CHL1: variants seen among roughly 807,000 people sequenced by gnomAD.
CHL1 encodes the protein cell adhesion molecule L1 like, also known as neural cell adhesion molecule L1-like protein.
Under a neutral mutation model 141.9 loss-of-function variants are expected in CHL1, and 96 were observed. The ratio of observed to expected loss-of-function variants is 0.68; its 90% CI spans 0.57 to 0.80. The LOEUF (loss-of-function observed/expected upper bound fraction) is 0.80, where lower values mean the gene tolerates loss of function less well. CHL1 is among the 30% of genes least tolerant of loss of function. CHL1 has a pLI of 0.00. For missense variants in CHL1, 1,820 were observed against 1,457.2 expected (o/e 1.25, Z -4.05); for synonymous variants, 613 against 502.2 (o/e 1.22, Z -2.95).
chr3:282,647 A>G (rs866858504), intron 2 of CHL1: 4 of 152,158 alleles, frequency 2.6e-5, no homozygotes, highest in African/African-American at 9.7e-5. Context: ...TGACTGGTTG[A>G]CTGTCTTTCT....
At chr3:230,972 C>T (rs1701803657) in intron 1 of CHL1, among the ~76,000 whole-genome samples, 1 of 152,106 alleles carries the variant, frequency 6.6e-6, no homozygotes, top group Admixed American at 6.6e-5. Context: ...CCTTAGCTTT[C>T]CCCAGATGCT....
intron 5 of CHL1, 122 bp from the exon 6 acceptor site, chr3:340,672 G>A (rs539977018): frequency 1.1e-4 from 88 of 782,618 alleles, no homozygotes; most frequent in Non-Finnish European, 1.7e-4. Context: ...TAAGAACCAG[G>A]ATCTGTAGCA....
chr3:250,623 C>A (rs575140058), intron 2 of CHL1, among the ~76,000 whole-genome samples: 186 of 152,170 alleles, frequency 1.2e-3, no homozygotes, highest in Non-Finnish European at 6.9e-4. Context: ...AGTGGGGAGG[C>A]AAAGAGCTCT....
intron 2 of CHL1, among the ~76,000 whole-genome samples, chr3:277,130 G>A (rs1299496799): frequency 1.3e-5 from 2 of 152,044 alleles, no homozygotes; most frequent in African/African-American, 2.4e-5. Context: ...TATGTGTTAT[G>A]TAGTGTTTGT....
intron 15 of CHL1, among the ~76,000 whole-genome samples, chr3:366,884 C>G (rs1704969341): frequency 6.6e-6 from 1 of 152,210 alleles, no homozygotes; most frequent in African/African-American, 2.4e-5. Flanking sequence ...CCACTGTCTG[C>G]TCCCACTGGC....
intron 1 of CHL1, among the ~76,000 whole-genome samples, chr3:235,388 C>T (rs190062543): frequency 2.7e-4 from 41 of 151,984 alleles, no homozygotes; most frequent in South Asian, 2.1e-4. Context: ...AAAGCAAAAC[C>T]GTATCTACCT....
intron 3 of CHL1, among the ~76,000 whole-genome samples, chr3:323,993 C>T (rs1211078864): frequency 6.6e-6 from 1 of 152,008 alleles, no homozygotes; most frequent in Non-Finnish European, 1.5e-5. Context: ...TAAATAAATT[C>T]ATAAGTAAAC....
At chr3:285,287 TG>T (rs1199569414) in intron 2 of CHL1, among the ~76,000 whole-genome samples, 1 of 152,212 alleles carries the variant, frequency 6.6e-6, no homozygotes, top group Non-Finnish European at 1.5e-5. Flanking sequence ...TTATGACAGC[TG>T]GGTGACTTGG....
chr3:263,938 G>T (rs1052952764), intron 2 of CHL1, among the ~76,000 whole-genome samples: 1 of 152,190 alleles, frequency 6.6e-6, no homozygotes, highest in African/African-American at 2.4e-5. Context: ...TTAAAAGAAT[G>T]ACCTTTCCTT....
In CHL1 at chr3:363,283, G is replaced by A. The variant is rs1201908632; in HGVS notation, c.1485G>A (p.Leu495=). The A allele has an allele frequency of 1.2e-6, 2 of 1,613,604 alleles. No individual in the cohort carries two copies. The highest frequency in any genetic ancestry group is 1.7e-6 in the Non-Finnish European group (2 of 1,179,758). Residue 495 remains leucine, a synonymous_variant, in exon 14 of 28, where the codon TTG becomes TTA. Coordinates refer to ENST00000256509, the MANE Select transcript of CHL1 (RefSeq NM_006614.4). ...RRYHIYENGT[L]QINRTTEEDA... ...ATCATATCTATGAAAATGGCACATTGCAGATCAACAGAACCACCGAAGAAG... is the reference window on the plus strand; with the variant it reads ...ATCATATCTATGAAAATGGCACATTACAGATCAACAGAACCACCGAAGAAG...
chr3:223,338 C>T (rs1701028230), intron 1 of CHL1, among the ~76,000 whole-genome samples: 1 of 152,250 alleles, frequency 6.6e-6, no homozygotes, highest in African/African-American at 2.4e-5. Context: ...AGAAGATAAA[C>T]ATCCTCTAAA....
chr3:197,956 G>A (rs1194177136), intron 1 of CHL1: 20 of 372,242 alleles, frequency 5.4e-5, no homozygotes, highest in African/African-American at 3.4e-4. Context: ...GATTGGAGCC[G>A]GGAGGCTGGG....
chr3:311,242 T>A (rs1484420660), intron 2 of CHL1, among the ~76,000 whole-genome samples: 1 of 152,170 alleles, frequency 6.6e-6, no homozygotes, highest in Non-Finnish European at 1.5e-5. Context: ...AACCAAAGAG[T>A]TCAATGGCTG....
rs1015831791 is a variant in CHL1 at position 407,264 on chromosome 3, A to G, written c.*1553A>G. The G allele has an allele frequency of 1.2e-4, 18 of 152,114 alleles. No homozygotes were observed. Among genetic ancestry groups the G allele is most frequent in the African/African-American group, 4.1e-4 (17 of 41,434 alleles). The allele number at this position is 152,114 out of a possible 1,614,324, so 9.4% of individuals were successfully genotyped here. On this transcript the variant is annotated 3_prime_UTR_variant, in exon 28 of 28. Coordinates refer to ENST00000256509, the MANE Select transcript of CHL1 (RefSeq NM_006614.4). ...GAACTGTGATTATTGGTATACTGTTATATCCTCAACTTGGATTTATGGTAA... is the reference window on the plus strand; with the variant it reads ...GAACTGTGATTATTGGTATACTGTTGTATCCTCAACTTGGATTTATGGTAA...
chr3:378,603 A>G (rs1390609499), intron 16 of CHL1, among the ~76,000 whole-genome samples: 2 of 152,216 alleles, frequency 1.3e-5, no homozygotes, highest in Non-Finnish European at 2.9e-5. Context: ...TCTTTGACCT[A>G]GAAAGGTTGC....
At chr3:342,797 A>G (rs1488568080) in intron 7 of CHL1, among the ~76,000 whole-genome samples, 187 bp from the exon 8 acceptor site, 1 of 152,164 alleles carries the variant, frequency 6.6e-6, no homozygotes, top group African/African-American at 2.4e-5. Flanking sequence ...CTCCACCTGG[A>G]TTCAAGATTA....
intron 2 of CHL1, among the ~76,000 whole-genome samples, chr3:293,323 G>A (rs1378919155): frequency 6.6e-6 from 1 of 152,062 alleles, no homozygotes. Context: ...CCAACATGGG[G>A]AAAACTTGTC....
intron 2 of CHL1, among the ~76,000 whole-genome samples, chr3:272,433 T>C (rs1425420269): frequency 2.0e-5 from 3 of 152,310 alleles, no homozygotes; most frequent in African/African-American, 7.2e-5. Context: ...TTCAGAAATA[T>C]TTCAGGAAGG....
chr3:208,493 A>G (rs1473133119), intron 1 of CHL1, among the ~76,000 whole-genome samples: 3 of 147,772 alleles, frequency 2.0e-5, no homozygotes, highest in Non-Finnish European at 4.4e-5. Flanking sequence ...AAGCTAGACT[A>G]TATCCTCAGT....
Sources: allele counts gnomAD v4.1 joint callset (sites outside exome capture counted in the v4.1 genomes callset), GRCh38; gene constraint gnomAD v4.1.1; transcripts MANE v1.5; gene names NCBI Gene and HGNC (gene_info 2026-07-23, HGNC 2026-07-21).